Variants in RAB3GAP1 observed in about 807,000 individuals in gnomAD.
The protein encoded by RAB3GAP1 is RAB3 GTPase activating protein catalytic subunit 1, also known as rab3 GTPase-activating protein catalytic subunit.
A neutral mutation model predicts 130.7 loss-of-function variants in RAB3GAP1; 86 were observed. The ratio of observed to expected loss-of-function variants is 0.66; its 90% confidence interval spans 0.55 to 0.79. The LOEUF (loss-of-function observed/expected upper bound fraction) is 0.79. Ranked by LOEUF, RAB3GAP1 falls within the 30% of genes least tolerant of loss-of-function variation. RAB3GAP1 has a pLI of 0.00. For missense variants in RAB3GAP1, 1,029 were observed against 1,169.4 expected (o/e 0.88, Z 1.75); for synonymous variants, 367 against 401.7 (o/e 0.91, Z 1.03).
At chr2:135,114,991 C>A (rs1048080035) in intron 6 of RAB3GAP1, among the ~76,000 whole-genome samples, 5 of 152,190 alleles carry the variant, frequency 3.3e-5, no homozygotes, top group African/African-American at 4.8e-5. Context: ...AAACAATTTT[C>A]AGACTAATCA....
At chr2:135,120,630 T>G (rs570341722) in intron 7 of RAB3GAP1, among the ~76,000 whole-genome samples, 189 bp from the exon 8 acceptor site, 2 of 152,336 alleles carry the variant, frequency 1.3e-5, no homozygotes, top group South Asian at 4.1e-4. Flanking sequence ...TATTTTTCCT[T>G]TGGAATGGCT....
intron 7 of RAB3GAP1, among the ~76,000 whole-genome samples, chr2:135,116,752 AT>A (rs936720287): frequency 1.1e-4 from 16 of 152,188 alleles, no homozygotes; most frequent in African/African-American, 3.9e-4. Context: ...AGCCAAAAAA[AT>A]GTCATATGCA....
chr2:135,068,820 T>G lies in RAB3GAP1; in HGVS notation c.150+10734T>G, dbSNP rs543716944. ...ACTGTTTGATGTAATGAAATTTCTC[T>G]GTAATTCTAAACAACAAACATCAAT... On this transcript the variant is annotated intron_variant, in intron 3 of 23. Transcript: ENST00000264158. Among the ~76,000 whole-genome samples the G allele has an allele frequency of 5.3e-5, 8 of 152,364 alleles. No homozygotes were observed. The South Asian group carries it at 1.7e-3, about 32-fold the overall frequency.
In RAB3GAP1 at chr2:135,113,142, T is replaced by C; in HGVS notation, c.363-9T>C. 6.2e-7 allele frequency: 1 copy of C among 1,614,210 alleles called. No individual in the cohort carries two copies. Among genetic ancestry groups the C allele is most frequent in the South Asian group, 1.1e-5 (1 of 91,086 alleles). On this transcript the variant is annotated splice_polypyrimidine_tract_variant and intron_variant, in intron 5 of 23. Coordinates refer to ENST00000264158, the MANE Select transcript of RAB3GAP1 (RefSeq NM_012233.3). ...TCCCCTGTTTAATGCAGTTAATTCT[T>C]TTTTTAAGGTATGGGCTACGTGAGT...
chr2:135,060,705 G>GTTA (rs1219399789), intron 3 of RAB3GAP1, among the ~76,000 whole-genome samples: 1 of 149,148 alleles, frequency 6.7e-6, no homozygotes, highest in African/African-American at 2.5e-5. Flanking sequence ...TATTATTATT[G>GTTA]TTATTATTAT....
Position 135,132,925 on chromosome 2 carries a change from C to T in RAB3GAP1, c.1267C>T (p.Pro423Ser), listed in dbSNP as rs1374900944. ...ATTCCCTGATGCTGTTTCTGAGAAA[C>T]CATTAGATGGAACTACTTCAACAGA... is the stretch of plus-strand genomic sequence containing the variant. Reference protein sequence around the residue: ...FLFPDAVSEKPLDGTTSTDNN... With the variant: ...FLFPDAVSEKSLDGTTSTDNN... The change falls in exon 14 of 24, where the codon CCA becomes TCA. Residue 423 changes from proline (P) to serine (S), a missense_variant. Physicochemically the swap from Pro to Ser is moderately conservative, Grantham distance 74. Coordinates refer to ENST00000264158, the MANE Select transcript of RAB3GAP1 (RefSeq NM_012233.3). The T allele has an allele frequency of 6.3e-7, 1 of 1,582,696 alleles. No individual in the cohort carries two copies. The highest frequency in any genetic ancestry group is 1.1e-5 in the South Asian group (1 of 90,436).
At chr2:135,053,376 C>G (rs967349937) in intron 2 of RAB3GAP1, among the ~76,000 whole-genome samples, 2 of 152,260 alleles carry the variant, frequency 1.3e-5, no homozygotes, top group African/African-American at 4.8e-5. Context: ...CTGTCAAATT[C>G]AGATGAACAG....
rs576636644 is a variant in RAB3GAP1, at chr2:135,074,228, A to AG, written c.150+16148dup. ...CGTGGGAGAATTTAGAGTGAGAAAG[A>AG]GGGGGGTCTGACTTCCCCAAAATGT... On this transcript the variant is annotated intron_variant, in intron 3 of 23. Transcript: ENST00000264158. 4.1e-4 allele frequency among the ~76,000 whole-genome samples: 63 copies of AG among 152,234 alleles called. 2 individuals carry two copies. In the South Asian group the frequency reaches 0.012, roughly 29 times the overall value.
intron 18 of RAB3GAP1, chr2:135,153,133 A>G (rs1304043613): frequency 6.3e-6 from 1 of 158,406 alleles, no homozygotes; most frequent in Non-Finnish European, 1.4e-5. Context: ...TTGCAGAACC[A>G]GTATTGATTT....
intron 17 of RAB3GAP1, among the ~76,000 whole-genome samples, chr2:135,144,263 T>A (rs1243727952): frequency 6.6e-6 from 1 of 152,230 alleles, no homozygotes; most frequent in African/African-American, 2.4e-5. Flanking sequence ...AAGAATTTTA[T>A]TGAGTGACAG....
At chr2:135,174,675 G>A (rs1444899991), downstream of RAB3GAP1, among the ~76,000 whole-genome samples, 2 of 152,136 alleles carry the variant, frequency 1.3e-5, no homozygotes, top group Non-Finnish European at 2.9e-5. Flanking sequence ...CACTATTTTT[G>A]CCCATGTTAC....
chr2:135,078,979 T>C (rs1689710082), intron 3 of RAB3GAP1, among the ~76,000 whole-genome samples: 2 of 152,150 alleles, frequency 1.3e-5, no homozygotes, highest in South Asian at 2.1e-4. Flanking sequence ...GCAATTCTCC[T>C]GCCTCAGACT....
chr2:135,107,128 G>T (rs1690651760), intron 5 of RAB3GAP1, among the ~76,000 whole-genome samples: 1 of 147,648 alleles, frequency 6.8e-6, no homozygotes, highest in African/African-American at 2.5e-5. Flanking sequence ...TGTTGACCAA[G>T]AATTCTATAT....
In RAB3GAP1 at chr2:135,056,135, C is replaced by T. The variant is rs145261150; in HGVS notation, c.75-1876C>T. Reference sequence around the variant, plus strand: ...ACAGGCATGAGCCACCACGCCCGGCCGACATATTTCCTTCTAACGTGTGTT... The same window carrying T: ...ACAGGCATGAGCCACCACGCCCGGCTGACATATTTCCTTCTAACGTGTGTT... On this transcript the variant is annotated intron_variant, in intron 2 of 23. Transcript: ENST00000264158. 7.1e-3 allele frequency among the ~76,000 whole-genome samples: 1,082 copies of T among 151,910 alleles called. 12 individuals carry two copies. Among genetic ancestry groups the T allele is most frequent in the African/African-American group, 0.024 (1,004 of 41,434 alleles).
At chr2:135,079,508 G>A (rs1307920696) in intron 3 of RAB3GAP1, among the ~76,000 whole-genome samples, 2 of 152,150 alleles carry the variant, frequency 1.3e-5, no homozygotes, top group Non-Finnish European at 2.9e-5. Flanking sequence ...CCATGGTCAG[G>A]TCTCTAATTT....
intron 8 of RAB3GAP1, among the ~76,000 whole-genome samples, chr2:135,123,508 G>T (rs974019329): frequency 7.9e-5 from 12 of 152,118 alleles, no homozygotes; most frequent in African/African-American, 2.7e-4. Context: ...CTAGTATAGT[G>T]TGAATAATTA....
Position 135,093,675 on chromosome 2 carries a change from C to T in RAB3GAP1, c.344C>T (p.Ala115Val). ...LGMNNDFPPR[A>V]HCLVRWYGLR... is the part of the protein sequence containing the mutation. ...ATGAATAATGACTTTCCTCCAAGAG[C>T]ACATTGCCTGGTAAGATGGTAGGTA... The change falls in exon 5 of 24, where the codon GCA (alanine) becomes GTA (valine). Residue 115 changes from alanine to valine, a missense_variant. By Grantham distance (64) the Ala-to-Val change is moderately conservative. Transcript: ENST00000264158. 6.2e-7 allele frequency: 1 copy of T among 1,612,346 alleles called. No homozygotes were observed. The highest frequency in any genetic ancestry group is 1.1e-5 in the South Asian group (1 of 91,046).
Position 135,138,271 on chromosome 2 carries a change from C to T in RAB3GAP1, c.1923+2339C>T, listed in dbSNP as rs1422773909. On this transcript the variant is annotated intron_variant, in intron 17 of 23. Coordinates refer to ENST00000264158, the MANE Select transcript of RAB3GAP1 (RefSeq NM_012233.3). ...ACCAGCCTGGGCAACATGGTAAACC[C>T]TATTTCTACCAAAAAAAAAAAAAAA... Among the ~76,000 whole-genome samples, 3 of 144,916 alleles carry T rather than the reference C, an allele frequency of 2.1e-5. No individual in the cohort carries two copies. The Admixed American group carries it at 2.1e-4, about 10-fold the overall frequency.
At chr2:135,086,661 C>CTTTTTTTTTT (rs59270938) in intron 3 of RAB3GAP1, among the ~76,000 whole-genome samples, 2 of 65,068 alleles carry the variant, frequency 3.1e-5, no homozygotes, top group Non-Finnish European at 2.8e-5. Flanking sequence ...TTCCCCTAAT[C>CTTTTTTTTTT]TTTTTTTTTT....
Sources: gnomAD v4.1 joint callset for allele counts (sites outside exome capture counted in the v4.1 genomes callset) on GRCh38, gnomAD v4.1.1 for gene constraint, MANE v1.5 for transcripts, NCBI Gene and HGNC (gene_info 2026-07-23, HGNC 2026-07-21) for gene names.